Variants in PCDHGB5 observed in about 807,000 individuals in gnomAD.
PCDHGB5 encodes the protein protocadherin gamma-B5.
Under a neutral mutation model 62.9 loss-of-function variants are expected in PCDHGB5, and 48 were observed. The observed-to-expected ratio is 0.76, with a 90% CI of 0.61 to 0.97. PCDHGB5 has a LOEUF of 0.97. Ranked by LOEUF, PCDHGB5 falls within the 50% of genes least tolerant of loss-of-function variation. The probability of loss-of-function intolerance (pLI) is 0.00; values close to 1 mark genes in which losing one functional copy is unlikely to be tolerated. For missense variants in PCDHGB5, 1,118 were observed against 1,198.6 expected (o/e 0.93, Z 0.99); for synonymous variants, 474 against 511.2 (o/e 0.93, Z 0.98).
chr5:141,491,549 A>T lies in PCDHGB5; in HGVS notation c.2398-3258A>T, dbSNP rs748281587. 18 of 1,613,860 alleles carry T rather than the reference A, an allele frequency of 1.1e-5. No homozygotes were observed. In the East Asian group the frequency reaches 3.8e-4, roughly 34 times the overall value. On this transcript the variant is annotated intron_variant, in intron 1 of 3. Coordinates refer to ENST00000617380, the MANE Select transcript of PCDHGB5 (RefSeq NM_018925.3). This position sits in a 1 kb window ranked among gnomAD's most constrained non-coding sequence, Gnocchi z 6.9. Reference sequence around the variant, plus strand: ...GTGACGCTGCGGCCCACAGACTCGCAGAGCCACTGCTACAGGACGTGCTTT... The same window carrying T: ...GTGACGCTGCGGCCCACAGACTCGCTGAGCCACTGCTACAGGACGTGCTTT...
intron 1 of PCDHGB5, among the ~76,000 whole-genome samples, chr5:141,451,873 C>A (rs1425706652): frequency 1.3e-5 from 2 of 151,830 alleles, no homozygotes; most frequent in East Asian, 3.9e-4. Context: ...AGAATGAAAC[C>A]CTGTCAAGAA....
intron 2 of PCDHGB5, among the ~76,000 whole-genome samples, chr5:141,498,882 G>A (rs1287566657): frequency 6.8e-6 from 1 of 147,420 alleles, no homozygotes; most frequent in African/African-American, 2.5e-5. Context: ...GCAGTGAGCT[G>A]AGATCACACC....
chr5:141,417,528 A>G, intron 1 of PCDHGB5: 1 of 277,368 alleles, frequency 3.6e-6, no homozygotes, highest in Non-Finnish European at 6.7e-6. Context: ...GTCAACTCGT[A>G]GTTTAAAAAA....
At position 141,421,727 on chromosome 5, in the gene PCDHGB5, C is replaced by T. The variant is rs779718690; in HGVS notation, c.2397+21203C>T. The T allele has an allele frequency of 4.3e-6, 7 of 1,613,798 alleles. No individual in the cohort carries two copies. In the African/African-American group the frequency reaches 9.3e-5, roughly 22 times the overall value. ...AGGGATCCAGATGTGGGCGTGAACT[C>T]CCTCCAGAGCTACCAGCTCAGCCCT... On this transcript the variant is annotated intron_variant, in intron 1 of 3. Coordinates refer to ENST00000617380, the MANE Select transcript of PCDHGB5 (RefSeq NM_018925.3).
intron 1 of PCDHGB5, chr5:141,419,888 G>A: frequency 6.2e-7 from 1 of 1,614,056 alleles, no homozygotes; most frequent in Non-Finnish European, 8.5e-7. Context: ...GGATTTCAGC[G>A]ACCATCCCAC....
chr5:141,451,182 C>T (rs2154563496), intron 1 of PCDHGB5, among the ~76,000 whole-genome samples: 1 of 152,226 alleles, frequency 6.6e-6, no homozygotes, highest in Non-Finnish European at 1.5e-5. Flanking sequence ...TTAGCCATTG[C>T]TGTGTAACAA....
chr5:141,469,155 A>C (rs1342352040), intron 1 of PCDHGB5, among the ~76,000 whole-genome samples: 3 of 152,108 alleles, frequency 2.0e-5, no homozygotes, highest in Admixed American at 1.3e-4. Context: ...ACATGTCTGT[A>C]GTCCCAGCTA....
In PCDHGB5 at chr5:141,419,638, C is replaced by T. The variant is rs191182165; in HGVS notation, c.2397+19114C>T. On this transcript the variant is annotated intron_variant, in intron 1 of 3. Coordinates refer to ENST00000617380, the MANE Select transcript of PCDHGB5 (RefSeq NM_018925.3). Reference sequence around the variant, plus strand: ...GCTACCTGGTGACCAAGGTGGTGGCCGTGGACGCGGACTCGGGGCACAATG... The same window carrying T: ...GCTACCTGGTGACCAAGGTGGTGGCTGTGGACGCGGACTCGGGGCACAATG... The T allele has an allele frequency of 4.9e-3, 7,979 of 1,612,456 alleles. 44 individuals are homozygous for T. Among genetic ancestry groups the T allele is most frequent in the Admixed American group, 9.5e-3 (568 of 60,000 alleles).
At chr5:141,408,765 G>A (rs1276364659) in intron 1 of PCDHGB5, 1 of 1,611,036 alleles carries the variant, frequency 6.2e-7, no homozygotes, top group East Asian at 2.2e-5. Context: ...AATTCCGATG[G>A]TGGCAAATAC....
At chr5:141,421,662 G>A (rs2096591243) in intron 1 of PCDHGB5, 3 of 1,613,844 alleles carry the variant, frequency 1.9e-6, no homozygotes, top group South Asian at 1.1e-5. Context: ...AAGTCAGTGA[G>A]CACGCAATTC....
intron 1 of PCDHGB5, chr5:141,478,463 G>A: frequency 6.2e-7 from 1 of 1,613,424 alleles, no homozygotes; most frequent in South Asian, 1.1e-5. Context: ...CAGTCCACTG[G>A]CCAGCCGCCA....
chr5:141,420,022 T>A, intron 1 of PCDHGB5: 3 of 1,614,104 alleles, frequency 1.9e-6, no homozygotes, highest in Middle Eastern at 3.3e-4. Flanking sequence ...CTTTCAGCCC[T>A]ACTGCAGGAG....
rs2154594676 is a variant in PCDHGB5, at chr5:141,511,333, G to A, written c.*160G>A. 6.9e-7 allele frequency: 1 copy of A among 1,441,948 alleles called. No homozygotes were observed. Among genetic ancestry groups the A allele is most frequent in the Non-Finnish European group, 9.2e-7 (1 of 1,085,894 alleles). The allele number at this position is 1,441,948 out of a possible 1,614,324, so 89.3% of individuals were successfully genotyped here. On this transcript the variant is annotated 3_prime_UTR_variant, in exon 4 of 4. Transcript: ENST00000617380. Reference sequence around the variant, plus strand: ...GGAAACAGAAACAAGTGCCCAGTCAGCACCTACCCCTTCCCCCCCAGGGGG... The same window carrying A: ...GGAAACAGAAACAAGTGCCCAGTCAACACCTACCCCTTCCCCCCCAGGGGG...
At chr5:141,469,438 G>T (rs2099201339) in intron 1 of PCDHGB5, among the ~76,000 whole-genome samples, 1 of 152,112 alleles carries the variant, frequency 6.6e-6, no homozygotes, top group African/African-American at 2.4e-5. Flanking sequence ...AGCTGGGCGT[G>T]GTGGTGCACA....
chr5:141,408,302 C>T (rs1017556555), intron 1 of PCDHGB5: 1 of 1,613,780 alleles, frequency 6.2e-7, no homozygotes, highest in Non-Finnish European at 8.5e-7. Context: ...TGAGCCGATC[C>T]GCTACTCGAT....
intron 1 of PCDHGB5, chr5:141,418,426 C>A: frequency 6.2e-7 from 1 of 1,613,948 alleles, no homozygotes; most frequent in South Asian, 1.1e-5. Flanking sequence ...CTGATGGTGG[C>A]AAATATCCAG....
intron 1 of PCDHGB5, chr5:141,421,165 T>C: frequency 7.7e-7 from 1 of 1,297,018 alleles, no homozygotes; most frequent in Non-Finnish European, 1.0e-6. Flanking sequence ...ACTTCATAGA[T>C]ACATAAGCCG....
intron 1 of PCDHGB5, among the ~76,000 whole-genome samples, chr5:141,468,273 C>T (rs894110332): frequency 1.4e-5 from 2 of 144,550 alleles, no homozygotes; most frequent in Non-Finnish European, 3.0e-5. Flanking sequence ...TGTGGTGAGC[C>T]GAGACCACGC....
intron 1 of PCDHGB5, chr5:141,419,317 T>G: frequency 1.2e-6 from 2 of 1,613,952 alleles, no homozygotes; most frequent in Non-Finnish European, 1.7e-6. Context: ...TCAACGGCCG[T>G]GTCTCCTACT....
Sources: allele counts gnomAD v4.1 joint callset (sites outside exome capture counted in the v4.1 genomes callset), GRCh38; gene constraint gnomAD v4.1.1; non-coding constraint Gnocchi (gnomAD v3.1); transcripts MANE v1.5; gene names NCBI Gene and HGNC (gene_info 2026-07-23, HGNC 2026-07-21).